COPA: variants seen among roughly 807,000 people sequenced by gnomAD.
COPA encodes the protein coat protein complex I subunit alpha.
A neutral mutation model predicts 158.7 loss-of-function variants in COPA; 10 were observed. That is an observed-to-expected ratio of 0.06 (90% confidence interval 0.04 to 0.11). COPA has a LOEUF of 0.11. Among genes scored for constraint, COPA ranks in the 10% least tolerant of loss-of-function variants. The pLI is 1.00. For synonymous variants in COPA, 462 were observed against 542.8 expected (o/e 0.85, Z 2.07); for missense variants, 1,065 against 1,536.7 (o/e 0.69, Z 5.13).
At chr1:160,291,761 C>T in intron 30 of COPA, 58 bp downstream of exon 30, 1 of 1,539,440 alleles carries the variant, frequency 6.5e-7, no homozygotes, top group Non-Finnish European at 8.9e-7. Context: ...GAATTCAAAC[C>T]TAGTGAAGGG....
intron 8 of COPA, among the ~76,000 whole-genome samples, chr1:160,314,568 G>A (rs535409608): frequency 2.6e-5 from 4 of 152,236 alleles, no homozygotes; most frequent in South Asian, 2.1e-4. Context: ...AGGTCAAGAC[G>A]GCAGTGAGCC....
rs1023233419 is a variant in COPA, at chr1:160,299,257, C to T, written c.1675G>A (p.Gly559Arg). ...IKYAVTTGDH[G>R]IIRTLDLPIY... ...GGTAAATCCAGAGTTCGAATGATCC[C>T]GTGGTCCCTAAGAACAGAGGGCACA... The change falls in exon 18 of 33, where the codon GGG becomes AGG. Residue 559 changes from glycine (G) to arginine (R), a missense_variant. By Grantham distance (125) the Gly-to-Arg change is moderately radical (BLOSUM62 -2). Transcript: ENST00000241704. The T allele has an allele frequency of 1.2e-6, 2 of 1,611,086 alleles. No individual in the cohort carries two copies. The highest frequency in any genetic ancestry group is 1.3e-5 in the African/African-American group (1 of 74,842).
At chr1:160,330,703 G>T (rs1210539506) in intron 6 of COPA, among the ~76,000 whole-genome samples, 1 of 152,218 alleles carries the variant, frequency 6.6e-6, no homozygotes, top group African/African-American at 2.4e-5. Context: ...CCACAATGGA[G>T]TTGGGAATAG....
At chr1:160,314,944 A>G (rs952652800) in intron 8 of COPA, among the ~76,000 whole-genome samples, 1 of 152,216 alleles carries the variant, frequency 6.6e-6, no homozygotes, top group East Asian at 1.9e-4. Flanking sequence ...ACCACAGGAA[A>G]AAAGGGAAAG....
In COPA at chr1:160,343,223, GC is replaced by G; in HGVS notation, c.-54del. The stretch of plus-strand genomic sequence containing the variant: ...AATCCGAGCCCCGACACACCCTGCT[GC>G]CCTTCGGACGCCTCCACGTCAGCGA... On this transcript the variant is annotated 5_prime_UTR_variant, in exon 1 of 33. Coordinates refer to ENST00000241704, the MANE Select transcript of COPA (RefSeq NM_004371.4). 1.9e-6 allele frequency: 3 copies of G among 1,611,744 alleles called. No homozygotes were observed. Among genetic ancestry groups the G allele is most frequent in the Non-Finnish European group, 2.5e-6 (3 of 1,177,858 alleles).
At chr1:160,304,642 C>T (rs565440902) in intron 17 of COPA, among the ~76,000 whole-genome samples, 4 of 151,750 alleles carry the variant, frequency 2.6e-5, no homozygotes, top group Non-Finnish European at 5.9e-5. Context: ...CCAGCCTGGG[C>T]GAGACTCCGT....
rs1252870201 is a variant in COPA, at chr1:160,335,300, C to T, written c.251G>A (p.Arg84His). The T allele has an allele frequency of 8.1e-6, 13 of 1,610,646 alleles. No homozygotes were observed. Among genetic ancestry groups the T allele is most frequent in the Admixed American group, 3.4e-5 (2 of 59,678 alleles). Residue 84 changes from arginine to histidine, a missense_variant, in exon 4 of 33, where the codon CGC (arginine) becomes CAC (histidine). Coordinates refer to ENST00000241704, the MANE Select transcript of COPA (RefSeq NM_004371.4). ...KIKVWNYKLR[R>H]CLFTLLGHLD... The stretch of plus-strand genomic sequence containing the variant: ...GTGCCCAAGCAATGTGAAAAGACAG[C>T]GCCGAAGCTTGTAATTCCAAACCTG...
intron 17 of COPA, 93 bp downstream of exon 17, chr1:160,305,340 A>G: frequency 7.6e-7 from 1 of 1,317,066 alleles, no homozygotes; most frequent in Non-Finnish European, 1.1e-6. Flanking sequence ...TCCATGAAGA[A>G]AATTCATGGA....
At chr1:160,300,810 G>A (rs1658575777) in intron 17 of COPA, among the ~76,000 whole-genome samples, 1 of 152,170 alleles carries the variant, frequency 6.6e-6, no homozygotes, top group African/African-American at 2.4e-5. Flanking sequence ...CAGGAATATA[G>A]TGTTGATTTA....
At chr1:160,319,978 T>C (rs1659281901) in intron 8 of COPA, among the ~76,000 whole-genome samples, 2 of 127,744 alleles carry the variant, frequency 1.6e-5, no homozygotes, top group Admixed American at 7.6e-5. Flanking sequence ...CTCAAGGACC[T>C]AGATAATAAA....
At chr1:160,303,342 A>G (rs1374960312) in intron 17 of COPA, among the ~76,000 whole-genome samples, 1 of 152,242 alleles carries the variant, frequency 6.6e-6, no homozygotes, top group African/African-American at 2.4e-5. Flanking sequence ...AAGCTACATT[A>G]TTTAAGACAG....
intron 9 of COPA, 87 bp downstream of exon 9, chr1:160,313,903 G>T: frequency 1.6e-6 from 2 of 1,233,546 alleles, no homozygotes; most frequent in Non-Finnish European, 1.1e-6. Flanking sequence ...ACATGCTGAA[G>T]ATGATGAGAG....
At chr1:160,338,223 A>G (rs1053542450) in intron 3 of COPA, among the ~76,000 whole-genome samples, 1 of 152,374 alleles carries the variant, frequency 6.6e-6, no homozygotes, top group East Asian at 1.9e-4. Flanking sequence ...AAATACAAAA[A>G]TACTATAATG....
rs1359293665 is a variant in COPA, at chr1:160,299,242, G to C, written c.1690C>G (p.Leu564Val). The change falls in exon 18 of 33, where the codon CTG (leucine) becomes GTG (valine). Residue 564 changes from leucine (L) to valine (V), a missense_variant. Transcript: ENST00000241704. ...TTGDHGIIRT[L>V]DLPIYVTRVK... is the part of the protein sequence containing the mutation. ...CGTGTGACATAGATGGGTAAATCCA[G>C]AGTTCGAATGATCCCGTGGTCCCTA... 2 of 1,613,082 alleles carry C rather than the reference G, an allele frequency of 1.2e-6. No individual in the cohort carries two copies. The highest frequency in any genetic ancestry group is 1.7e-6 in the Non-Finnish European group (2 of 1,179,248).
chr1:160,301,202 G>T (rs1658591121), intron 17 of COPA, among the ~76,000 whole-genome samples: 1 of 152,092 alleles, frequency 6.6e-6, no homozygotes, highest in South Asian at 2.1e-4. Context: ...ATTAATCAAT[G>T]AAAGGAGAAA....
At chr1:160,342,631 G>A (rs1404333859) in intron 1 of COPA, among the ~76,000 whole-genome samples, 1 of 152,064 alleles carries the variant, frequency 6.6e-6, no homozygotes, top group African/African-American at 2.4e-5. Context: ...TACTATTTCC[G>A]GGTAGTAAAT....
rs1659015857 is a variant in COPA at position 160,312,975 on chromosome 1, C to G, written c.925+110G>C. The stretch of plus-strand genomic sequence containing the variant: ...CAACTAAGTGGCTCTGAGAGTCCTT[C>G]TTCTTCTTGTCATCCTACTATACAT... On this transcript the variant is annotated intron_variant, in intron 10 of 32. Coordinates refer to ENST00000241704, the MANE Select transcript of COPA (RefSeq NM_004371.4). The G allele has an allele frequency of 6.2e-6, 6 of 965,120 alleles. No homozygotes were observed. In the Admixed American group the frequency reaches 1.5e-4, roughly 25 times the overall value. The allele number at this position is 965,120 out of a possible 1,614,324, so 59.8% of individuals were successfully genotyped here. A position where few individuals can be genotyped will look rare whatever the true frequency, so the allele number is the denominator to read the frequency against.
intron 8 of COPA, chr1:160,317,518 A>G: frequency 3.1e-6 from 5 of 1,608,424 alleles, no homozygotes; most frequent in Non-Finnish European, 1.7e-6. Flanking sequence ...CAAAGTGAAA[A>G]TGACAACACA....
At chr1:160,294,221 G>A (rs1658329953) in intron 25 of COPA, among the ~76,000 whole-genome samples, 1 of 152,044 alleles carries the variant, frequency 6.6e-6, no homozygotes, top group Non-Finnish European at 1.5e-5. Context: ...TTGAACTCCT[G>A]GGCTCAAGCA....
Sources: gnomAD v4.1 joint callset for allele counts (sites outside exome capture counted in the v4.1 genomes callset) on GRCh38, gnomAD v4.1.1 for gene constraint, MANE v1.5 for transcripts, NCBI Gene and HGNC (gene_info 2026-07-23, HGNC 2026-07-21) for gene names.